The following CTBP2 variants were observed in gnomAD, a reference collection of about 807,000 sequenced individuals.
CTBP2 encodes the protein C-terminal binding protein 2.
A neutral mutation model predicts 80.3 loss-of-function variants in CTBP2; 30 were observed. The ratio of observed to expected loss-of-function variants is 0.37; its 90% CI spans 0.28 to 0.51. The LOEUF (loss-of-function observed/expected upper bound fraction) is 0.51. Ranked by LOEUF, CTBP2 falls within the 20% of genes least tolerant of loss-of-function variation. The probability of loss-of-function intolerance (pLI) is 0.93; values close to 1 mark genes in which losing one functional copy is unlikely to be tolerated. For synonymous variants in CTBP2, 594 were observed against 587.4 expected, an observed-to-expected ratio of 1.01 and a Z score of -0.16; for missense variants, 1,212 against 1,375.3, an observed-to-expected ratio of 0.88 and a Z score of 1.88.
intron 1 of CTBP2, among the ~76,000 whole-genome samples, chr10:125,013,702 C>T (rs918833209): frequency 2.5e-4 from 38 of 152,298 alleles, no homozygotes; most frequent in Non-Finnish European, 4.7e-4. Flanking sequence ...GGGGAACTTG[C>T]CCGGGGTCAC....
intron 2 of CTBP2, among the ~76,000 whole-genome samples, chr10:125,098,495 G>T (rs1849901761): frequency 6.6e-6 from 1 of 152,110 alleles, no homozygotes. Flanking sequence ...CCTTAGGAAG[G>T]CCAGGACCTG....
Position 125,057,817 on chromosome 10 carries a change from C to G in CTBP2, c.-101-18662G>C, listed in dbSNP as rs185471236. Among the ~76,000 whole-genome samples, 38 of 152,264 alleles carry G rather than the reference C, an allele frequency of 2.5e-4. No individual in the cohort carries two copies. The East Asian group carries it at 5.4e-3, about 22-fold the overall frequency. On this transcript the variant is annotated intron_variant, in intron 2 of 10. Transcript: ENST00000337195. ...CCAGCTTACCTTTTAAACACTCCTT[C>G]AGTAAAAAGCATCCCAGTGCTTCGG...
At chr10:125,041,975 T>G (rs1010154757) in intron 2 of CTBP2, among the ~76,000 whole-genome samples, 187 of 72,220 alleles carry the variant, frequency 2.6e-3, no homozygotes, top group Middle Eastern at 4.8e-3. Context: ...TTTTTGGGGG[T>G]GGGGGTGGGG....
chr10:125,099,710 G>A (rs1489278093), intron 2 of CTBP2, among the ~76,000 whole-genome samples: 1 of 152,222 alleles, frequency 6.6e-6, no homozygotes, highest in African/African-American at 2.4e-5. Flanking sequence ...CAGGGGAGGT[G>A]GCACCTCCAA....
At chr10:125,030,395 C>T (rs574966492), upstream of CTBP2, among the ~76,000 whole-genome samples, 4 of 152,258 alleles carry the variant, frequency 2.6e-5, no homozygotes, top group South Asian at 8.3e-4. Flanking sequence ...AGTCCCTGTG[C>T]GACACAAGGT....
chr10:124,989,337 T>G lies in CTBP2; in HGVS notation c.*181A>C. 1.4e-6 allele frequency: 1 copy of G among 698,396 alleles called. No homozygotes were observed. 43.3% of individuals were successfully genotyped at this position (698,396 alleles called of 1,614,324 possible). On this transcript the variant is annotated 3_prime_UTR_variant, in exon 9 of 9. Coordinates refer to ENST00000309035, the MANE Select transcript of CTBP2 (RefSeq NM_022802.3). Reference sequence around the variant, plus strand: ...AATCACATCCTAGTCTTTCAGCGCTTCCGTAAGCAGACGACATCTTCAGTT... The same window carrying G: ...AATCACATCCTAGTCTTTCAGCGCTGCCGTAAGCAGACGACATCTTCAGTT...
intron 1 of CTBP2, among the ~76,000 whole-genome samples, chr10:125,008,866 A>G (rs1007046228): frequency 3.9e-5 from 6 of 152,252 alleles, no homozygotes; most frequent in African/African-American, 9.6e-5. Context: ...TTGCCTTAGC[A>G]TGCTTATACT....
In CTBP2 at chr10:125,096,384, T is replaced by C. The variant is rs188507748; in HGVS notation, c.-102+14606A>G. On this transcript the variant is annotated intron_variant, in intron 2 of 10. Coordinates refer to the CTBP2 transcript ENST00000337195. ...AAGAAAACAAAGATGCAAAATAACATAGTGATAAAATCTCTGCATGATTTG... is the reference window on the plus strand; with the variant it reads ...AAGAAAACAAAGATGCAAAATAACACAGTGATAAAATCTCTGCATGATTTG... 1.8e-3 allele frequency among the ~76,000 whole-genome samples: 273 copies of C among 152,312 alleles called. 2 individuals carry two copies. The highest frequency in any genetic ancestry group is 6.3e-3 in the African/African-American group (263 of 41,570).
intron 1 of CTBP2, among the ~76,000 whole-genome samples, chr10:125,007,218 G>A (rs756813072): frequency 8.5e-5 from 13 of 152,230 alleles, no homozygotes; most frequent in Admixed American, 7.9e-4. Context: ...CATTAACTGT[G>A]TAGAGCAGAA....
At chr10:125,144,713 T>C (rs1858435086) in intron 1 of CTBP2, among the ~76,000 whole-genome samples, 1 of 152,234 alleles carries the variant, frequency 6.6e-6, no homozygotes, top group African/African-American at 2.4e-5. Context: ...TGCTGATCCA[T>C]GTTCTTGCTC....
intron 1 of CTBP2, among the ~76,000 whole-genome samples, chr10:125,144,610 A>C (rs1858419664): frequency 6.6e-6 from 1 of 152,208 alleles, no homozygotes; most frequent in South Asian, 2.1e-4. Context: ...CGCTTGCATC[A>C]TGATGAAACA....
chr10:125,001,920 G>A (rs896544406), intron 3 of CTBP2, among the ~76,000 whole-genome samples: 11 of 152,190 alleles, frequency 7.2e-5, no homozygotes, highest in African/African-American at 2.7e-4. Context: ...AAACGTGGCC[G>A]GTGGTGCCCG....
At chr10:125,018,624 T>C (rs1242334211) in intron 1 of CTBP2, among the ~76,000 whole-genome samples, 9 of 152,036 alleles carry the variant, frequency 5.9e-5, no homozygotes, top group African/African-American at 1.9e-4. Context: ...TTTACTGAAC[T>C]CAGTCAGGGC....
intron 1 of CTBP2, among the ~76,000 whole-genome samples, chr10:125,123,224 C>CA (rs34524819): frequency 0.22 from 33,961 of 152,046 alleles, 3,942 homozygotes; most frequent in East Asian, 0.36. Context: ...AAAAGGGCAA[C>CA]GGGGGGATTC....
At chr10:125,064,399 A>T (rs1844313962) in intron 2 of CTBP2, among the ~76,000 whole-genome samples, 1 of 152,160 alleles carries the variant, frequency 6.6e-6, no homozygotes, top group African/African-American at 2.4e-5. Context: ...TTCAGAGAAA[A>T]ATAACTGTGG....
intron 2 of CTBP2, among the ~76,000 whole-genome samples, chr10:125,104,589 G>A (rs551751630): frequency 7.2e-4 from 109 of 152,114 alleles, no homozygotes; most frequent in Non-Finnish European, 1.1e-3. Flanking sequence ...GTCCACTCAC[G>A]GAGGCTACTC....
intron 1 of CTBP2, among the ~76,000 whole-genome samples, chr10:125,134,040 A>G (rs937464122): frequency 1.3e-5 from 2 of 152,366 alleles, no homozygotes; most frequent in South Asian, 2.1e-4. Context: ...AACAAACTAC[A>G]GATCAGATTT....
chr10:125,025,660 C>G (rs1461932606), intron 1 of CTBP2, among the ~76,000 whole-genome samples: 1 of 152,188 alleles, frequency 6.6e-6, no homozygotes, highest in Non-Finnish European at 1.5e-5. Flanking sequence ...GGAGGATGCA[C>G]ACTTTACAGC....
intron 2 of CTBP2, among the ~76,000 whole-genome samples, chr10:125,065,777 A>G (rs781111285): frequency 2.0e-5 from 3 of 152,148 alleles, no homozygotes; most frequent in Non-Finnish European, 2.9e-5. Context: ...TAGCTATTTC[A>G]TTCAGCTGGC....
Sources: allele counts gnomAD v4.1 joint callset (sites outside exome capture counted in the v4.1 genomes callset), GRCh38; gene constraint gnomAD v4.1.1; transcripts MANE v1.5; gene names NCBI Gene and HGNC (gene_info 2026-07-23, HGNC 2026-07-21).